Variants in MXD3 observed in about 807,000 individuals in gnomAD.
MXD3 encodes MAX dimerization protein 3.
Under a neutral mutation model 27.5 loss-of-function variants are expected in MXD3, and 20 were observed. The ratio of observed to expected loss-of-function variants is 0.73; its 90% confidence interval spans 0.51 to 1.06. The LOEUF is 1.06. MXD3 is among the 50% of genes least tolerant of loss of function. The probability of loss-of-function intolerance (pLI) is 0.00; values close to 1 mark genes in which losing one functional copy is unlikely to be tolerated. For missense variants in MXD3, 298 were observed against 291.3 expected, an observed-to-expected ratio of 1.02 and a Z score of -0.17; for synonymous variants, 150 against 130.7, an observed-to-expected ratio of 1.15 and a Z score of -1.01.
In MXD3 at chr5:177,311,461, G is replaced by A. The variant is rs1761036894; in HGVS notation, c.94C>T (p.Leu32=). The A allele has an allele frequency of 7.0e-7, 1 of 1,433,032 alleles. No homozygotes were observed. The highest frequency in any genetic ancestry group is 1.5e-5 in the African/African-American group (1 of 66,962). The allele number at this position is 1,433,032 out of a possible 1,614,324, so 88.8% of individuals were successfully genotyped here. ...GGGCCTGGACTGCGATGCGGGCACA[G>A]GGACGCATAACCATGCTCGGCCTCT... The part of the protein sequence containing the change: ...EREAEHGYAS[L]CPHRSPGPIH... Residue 32 remains leucine (L), a synonymous_variant, in exon 2 of 6, where the codon CTG becomes TTG. Transcript: ENST00000439742.
downstream of MXD3, chr5:177,305,601 C>G (rs918411284): frequency 4.3e-6 from 2 of 463,524 alleles, no homozygotes; most frequent in Non-Finnish European, 3.9e-6. Context: ...AAACAAAATC[C>G]AGGAGCAGGA....
chr5:177,306,394 A>C, downstream of MXD3: 1 of 1,613,674 alleles, frequency 6.2e-7, no homozygotes, highest in Non-Finnish European at 8.5e-7. Flanking sequence ...GGCATCTTCT[A>C]AAGGCAGCCA....
downstream of MXD3, chr5:177,307,064 C>T: frequency 6.9e-7 from 1 of 1,458,464 alleles, no homozygotes; most frequent in Admixed American, 2.8e-5. Context: ...GAAGTGGAGA[C>T]AGAACAGCCT....
chr5:177,312,526 C>T (rs1457744755), upstream of MXD3: 20 of 985,322 alleles, frequency 2.0e-5, no homozygotes, highest in Non-Finnish European at 2.2e-5. Context: ...GCGCAGGCGC[C>T]GGCGGAGGGG....
intron 5 of MXD3, 36 bp downstream of exon 5, chr5:177,307,745 G>T (rs547874035): frequency 1.2e-6 from 2 of 1,611,632 alleles, no homozygotes; most frequent in East Asian, 4.5e-5. Flanking sequence ...GGCTCGCCCC[G>T]AGGGCCACAC....
chr5:177,306,785 G>A (rs1760890065), downstream of MXD3: 1 of 874,496 alleles, frequency 1.1e-6, no homozygotes, highest in African/African-American at 1.7e-5. Flanking sequence ...GAGGACCGAG[G>A]CACAGAGGTG....
downstream of MXD3, chr5:177,306,282 G>T: frequency 6.4e-7 from 1 of 1,561,304 alleles, no homozygotes; most frequent in South Asian, 1.1e-5. Flanking sequence ...GGGACTCCTT[G>T]TCTGTACTGG....
At chr5:177,312,572 C>T (rs1581593195), upstream of MXD3, 16 of 985,472 alleles carry the variant, frequency 1.6e-5, no homozygotes, top group Non-Finnish European at 1.9e-5. Context: ...GGGTCTGTCC[C>T]CAAGCCTGCC....
chr5:177,311,412 G>T lies in MXD3; in HGVS notation c.143C>A (p.Pro48His). The T allele has an allele frequency of 2.8e-6, 4 of 1,441,452 alleles. No homozygotes were observed. The highest frequency in any genetic ancestry group is 3.6e-6 in the Non-Finnish European group (4 of 1,104,148). The allele number at this position is 1,441,452 out of a possible 1,614,324, so 89.3% of individuals were successfully genotyped here. The change falls in exon 2 of 6, where the codon CCC (proline) becomes CAC (histidine). Residue 48 changes from proline (P) to histidine (H), a missense_variant. By Grantham distance (77) the Pro-to-His change is moderately conservative. Transcript: ENST00000439742. ...PGPIHRRKKR[P>H]PQAPGAQDSG... Reference sequence around the variant, plus strand: ...GTCCTGCGCGCCAGGAGCCTGGGGGGGTCGCTTCTTCCTCCTGTGGATGGG... The same window carrying T: ...GTCCTGCGCGCCAGGAGCCTGGGGGTGTCGCTTCTTCCTCCTGTGGATGGG...
chr5:177,311,525 A>ACCTGGT (rs1383048155), intron 1 of MXD3, 41 bp from the exon 2 acceptor site: 1 of 1,373,582 alleles, frequency 7.3e-7, no homozygotes, highest in Non-Finnish European at 9.6e-7. Context: ...CTGGGGCTGG[A>ACCTGGT]CCTGGTCCCA....
chr5:177,311,411 G>T lies in MXD3; in HGVS notation c.144C>A (p.Pro48=). ...TGTCCTGCGCGCCAGGAGCCTGGGG[G>T]GGTCGCTTCTTCCTCCTGTGGATGG... ...PGPIHRRKKR[P]PQAPGAQDSG... is the part of the protein sequence containing the mutation. The change falls in exon 2 of 6, where the codon CCC becomes CCA. Residue 48 remains proline, a synonymous_variant. Coordinates refer to ENST00000439742, the MANE Select transcript of MXD3 (RefSeq NM_031300.4). The T allele has an allele frequency of 4.2e-6, 6 of 1,442,148 alleles. No homozygotes were observed. Among genetic ancestry groups the T allele is most frequent in the Non-Finnish European group, 5.4e-6 (6 of 1,104,592 alleles). The allele number at this position is 1,442,148 out of a possible 1,614,324, so 89.3% of individuals were successfully genotyped here.
At chr5:177,308,041 CG>C (rs1760934348) in intron 4 of MXD3, 77 bp from the exon 5 acceptor site, 1 of 1,353,524 alleles carries the variant, frequency 7.4e-7, no homozygotes, top group Admixed American at 2.9e-5. Flanking sequence ...CACTCAGTAC[CG>C]GGCCACGGCC....
intron 2 of MXD3, chr5:177,311,072 G>A (rs1761022843): frequency 3.7e-6 from 2 of 536,274 alleles, no homozygotes; most frequent in Non-Finnish European, 6.6e-6. Flanking sequence ...GGAGAGGAGA[G>A]AAGAGGAGGA....
chr5:177,305,554 G>A, downstream of MXD3: 1 of 326,940 alleles, frequency 3.1e-6, no homozygotes. Flanking sequence ...GCAGCTGGTG[G>A]AAGGCGGCTA....
At position 177,309,225 on chromosome 5, in the gene MXD3, C is replaced by G. The variant is rs1760976027; in HGVS notation, c.321+1201G>C. Among the ~76,000 whole-genome samples the G allele has an allele frequency of 1.3e-5, 2 of 152,206 alleles. 1 individual carries two copies. The highest frequency in any genetic ancestry group is 6.3e-3 in the Middle Eastern group (2 of 316). On this transcript the variant is annotated intron_variant, in intron 4 of 5. Coordinates refer to ENST00000439742, the MANE Select transcript of MXD3 (RefSeq NM_031300.4). ...AGAGGCTTTGTCCTGTCAGGGGCCA[C>G]TGGTGGGTTTTCAGCAGGAGATGGG...
chr5:177,309,452 G>A lies in MXD3; in HGVS notation c.321+974C>T, dbSNP rs903051910. On this transcript the variant is annotated intron_variant, in intron 4 of 5. Transcript: ENST00000439742. ...CCTGAGGGGCACACATCATCCATCC[G>A]AGAACCAGGCCAGGCAAGCTCCGTG... is the stretch of plus-strand genomic sequence containing the variant. Among the ~76,000 whole-genome samples, 3 of 152,214 alleles carry A rather than the reference G, an allele frequency of 2.0e-5. No individual in the cohort carries two copies. The East Asian group carries it at 5.8e-4, about 29-fold the overall frequency.
chr5:177,311,142 G>A (rs1369914616), intron 2 of MXD3: 1 of 524,472 alleles, frequency 1.9e-6, no homozygotes, highest in East Asian at 3.1e-5. Context: ...GTGGAAGCGG[G>A]ACCCCAACTG....
At chr5:177,308,187 G>A in intron 4 of MXD3, 1 of 547,724 alleles carries the variant, frequency 1.8e-6, no homozygotes, top group Non-Finnish European at 3.2e-6. Context: ...ATTGGGGGTG[G>A]GGGGGCACCA....
chr5:177,311,433 A>G lies in MXD3; in HGVS notation c.122T>C (p.Ile41Thr). 1 of 1,364,658 alleles carries G rather than the reference A, an allele frequency of 7.3e-7. No individual in the cohort carries two copies. Among genetic ancestry groups the G allele is most frequent in the Non-Finnish European group, 9.4e-7 (1 of 1,058,804 alleles). 84.5% of individuals were successfully genotyped at this position (1,364,658 alleles called of 1,614,324 possible). A position where few individuals can be genotyped will look rare whatever the true frequency, so the allele number is the denominator to read the frequency against. Reference sequence around the variant, plus strand: ...GGGGGGTCGCTTCTTCCTCCTGTGGATGGGGCCTGGACTGCGATGCGGGCA... The same window carrying G: ...GGGGGGTCGCTTCTTCCTCCTGTGGGTGGGGCCTGGACTGCGATGCGGGCA... The part of the protein sequence containing the change: ...SLCPHRSPGP[I>T]HRRKKRPPQA... The change falls in exon 2 of 6, where the codon ATC (isoleucine) becomes ACC (threonine). Residue 41 changes from isoleucine (I) to threonine (T), a missense_variant. Physicochemically the swap from Ile to Thr is moderately conservative, Grantham distance 89 (BLOSUM62 -1). Coordinates refer to ENST00000439742, the MANE Select transcript of MXD3 (RefSeq NM_031300.4).
Sources: gnomAD v4.1 joint callset for allele counts (sites outside exome capture counted in the v4.1 genomes callset) on GRCh38, gnomAD v4.1.1 for gene constraint, MANE v1.5 for transcripts, NCBI Gene and HGNC (gene_info 2026-07-23, HGNC 2026-07-21) for gene names.